GPHN: variants seen among roughly 807,000 people sequenced by gnomAD.
GPHN encodes the protein gephyrin.
GPHN carries 17 observed loss-of-function variants against 95.5 expected under a neutral mutation model. That is an observed-to-expected ratio of 0.18 (90% CI 0.12 to 0.27). The LOEUF (loss-of-function observed/expected upper bound fraction) is 0.27, where lower values mean the gene tolerates loss of function less well. Ranked by LOEUF, GPHN falls within the 10% of genes least tolerant of loss-of-function variation. GPHN has a pLI of 1.00. For synonymous variants in GPHN, 320 were observed against 322.5 expected (o/e 0.99, Z 0.08); for missense variants, 660 against 978.1 (o/e 0.67, Z 4.34).
chr14:67,383,251 T>C, the GPHN span: 1 of 1,543,256 alleles, frequency 6.5e-7, no homozygotes, highest in Non-Finnish European at 8.8e-7. Context: ...GCAGTAATAG[T>C]ATTGAAATTA....
chr14:67,591,369 A>T, the GPHN span, among the ~76,000 whole-genome samples: 1 of 152,308 alleles, frequency 6.6e-6, no homozygotes, highest in East Asian at 1.9e-4. Flanking sequence ...AATCTATAAA[A>T]CTATTCATAA....
intron 3 of GPHN, among the ~76,000 whole-genome samples, chr14:66,799,689 T>G (rs997248194): frequency 2.0e-5 from 3 of 152,008 alleles, no homozygotes; most frequent in Non-Finnish European, 2.9e-5. Context: ...TTATTTTCAG[T>G]CTATGGTGTC....
chr14:66,864,687 C>T (rs533788087), intron 4 of GPHN, among the ~76,000 whole-genome samples: 1 of 152,204 alleles, frequency 6.6e-6, no homozygotes, highest in African/African-American at 2.4e-5. Flanking sequence ...ACAGGAGAAT[C>T]ACTGAAACCC....
chr14:67,265,812 G>A, the GPHN span, among the ~76,000 whole-genome samples: 3 of 141,962 alleles, frequency 2.1e-5, no homozygotes, highest in African/African-American at 5.3e-5. Flanking sequence ...AGCCAAAATC[G>A]CGCCACTGCA....
chr14:66,624,097 T>C (rs2063424558), intron 1 of GPHN, among the ~76,000 whole-genome samples: 1 of 152,192 alleles, frequency 6.6e-6, no homozygotes, highest in Non-Finnish European at 1.5e-5. Flanking sequence ...AGCCTGGAGA[T>C]ATTACAGGCA....
At chr14:66,560,315 G>A (rs566471259) in intron 1 of GPHN, among the ~76,000 whole-genome samples, 66 of 152,220 alleles carry the variant, frequency 4.3e-4, no homozygotes, top group African/African-American at 1.5e-3. Context: ...CATTGAATCT[G>A]TAAATTACCT....
At chr14:67,037,863 A>T (rs1346686754) in intron 10 of GPHN, among the ~76,000 whole-genome samples, 2 of 151,956 alleles carry the variant, frequency 1.3e-5, no homozygotes, top group African/African-American at 4.8e-5. Context: ...AGGTTTGTGA[A>T]ATGTTGCAGC....
intron 2 of GPHN, among the ~76,000 whole-genome samples, chr14:66,702,111 CCA>C (rs1275361899): frequency 6.6e-6 from 1 of 152,180 alleles, no homozygotes; most frequent in African/African-American, 2.4e-5. Flanking sequence ...TCCAAAAACT[CCA>C]GCCAGAGGCT....
chr14:67,364,715 T>C, the GPHN span: 3 of 1,518,094 alleles, frequency 2.0e-6, no homozygotes, highest in African/African-American at 4.3e-5. Flanking sequence ...TGATTTTTTT[T>C]TTATTTTCAC....
the GPHN span, chr14:67,575,266 G>A: frequency 3.2e-6 from 2 of 618,440 alleles, no homozygotes; most frequent in East Asian, 2.8e-5. Flanking sequence ...TTAGTAGGGA[G>A]CCCAAATGGC....
At chr14:67,558,652 T>C in the GPHN span, among the ~76,000 whole-genome samples, 1 of 152,194 alleles carries the variant, frequency 6.6e-6, no homozygotes, top group Non-Finnish European at 1.5e-5. Context: ...AGGCACTGTT[T>C]TGTGAGTCAA....
chr14:67,654,439 T>C, the GPHN span, among the ~76,000 whole-genome samples: 2 of 152,138 alleles, frequency 1.3e-5, no homozygotes, highest in Non-Finnish European at 2.9e-5. Flanking sequence ...CCGGCCTCCT[T>C]GGCTTTTAAA....
intron 4 of GPHN, among the ~76,000 whole-genome samples, chr14:66,875,217 T>G (rs1239116253): frequency 6.6e-6 from 1 of 152,174 alleles, no homozygotes; most frequent in African/African-American, 2.4e-5. Flanking sequence ...TGAGACAATT[T>G]GTCATCACCA....
At chr14:66,604,542 T>G (rs553193411) in intron 1 of GPHN, among the ~76,000 whole-genome samples, 4 of 152,126 alleles carry the variant, frequency 2.6e-5, no homozygotes, top group Non-Finnish European at 5.9e-5. Context: ...AAATATAAAC[T>G]TGTAAGTTCC....
the GPHN span, among the ~76,000 whole-genome samples, chr14:67,530,989 C>T: frequency 2.0e-4 from 30 of 152,356 alleles, no homozygotes; most frequent in East Asian, 2.7e-3. Context: ...AAGTCCCCAT[C>T]CCGGCCTCAT....
the GPHN span, chr14:67,380,891 T>A: frequency 2.1e-6 from 1 of 472,530 alleles, no homozygotes; most frequent in Non-Finnish European, 3.7e-6. Flanking sequence ...TGGTTGTTTT[T>A]TATAACAAAA....
At chr14:67,576,362 G>A in the GPHN span, 32 of 1,246,742 alleles carry the variant, frequency 2.6e-5, no homozygotes, top group African/African-American at 4.4e-5. This position sits in a 1 kb window ranked among gnomAD's most constrained non-coding sequence, Gnocchi z 4.0. Flanking sequence ...TTCCCACCCC[G>A]TCCCCATCCG....
chr14:67,427,160 G>A, the GPHN span, among the ~76,000 whole-genome samples: 2 of 152,132 alleles, frequency 1.3e-5, no homozygotes, highest in African/African-American at 4.8e-5. Context: ...TGACTATGGG[G>A]ATGTGGGTGG....
intron 1 of GPHN, among the ~76,000 whole-genome samples, chr14:66,625,800 A>G: frequency 6.6e-6 from 1 of 152,166 alleles, no homozygotes; most frequent in Non-Finnish European, 1.5e-5. Flanking sequence ...TGTGCTATTT[A>G]TGATGCAAGC....
Sources: allele counts gnomAD v4.1 joint callset (sites outside exome capture counted in the v4.1 genomes callset), GRCh38; gene constraint gnomAD v4.1.1; non-coding constraint Gnocchi (gnomAD v3.1); transcripts MANE v1.5; gene names NCBI Gene and HGNC (gene_info 2026-07-23, HGNC 2026-07-21).